DOCK10: variants seen among roughly 807,000 people sequenced by gnomAD.
DOCK10 encodes the protein dedicator of cytokinesis 10.
In DOCK10, 145 loss-of-function variants were observed where a neutral mutation model predicts 280.1. The ratio of observed to expected loss-of-function variants is 0.52; its 90% CI spans 0.45 to 0.59. The LOEUF is 0.59. Ranked by LOEUF, DOCK10 falls within the 20% of genes least tolerant of loss-of-function variation. DOCK10 has a pLI of 0.00. For missense variants in DOCK10, 2,368 were observed against 2,651.7 expected (o/e 0.89, Z 2.35); for synonymous variants, 915 against 942.2 (o/e 0.97, Z 0.53).
At chr2:224,917,101 C>CTTTTTTTTTTT (rs58223345) in intron 2 of DOCK10, among the ~76,000 whole-genome samples, 1,077 of 95,588 alleles carry the variant, frequency 0.011, 133 homozygotes, top group Non-Finnish European at 0.014. Context: ...CTATTGGAAT[C>CTTTTTTTTTTT]TTTTTTTTTT....
chr2:224,922,921 T>G (rs1701849367), intron 2 of DOCK10, among the ~76,000 whole-genome samples: 2 of 152,260 alleles, frequency 1.3e-5, no homozygotes, highest in South Asian at 4.2e-4. Flanking sequence ...TAACTAAAAC[T>G]TTGTGATTAA....
intron 7 of DOCK10, among the ~76,000 whole-genome samples, chr2:224,882,517 T>G (rs543288012): frequency 2.6e-5 from 4 of 152,188 alleles, no homozygotes; most frequent in Non-Finnish European, 5.9e-5. Flanking sequence ...TGAGCCACCC[T>G]TGTAATATAC....
intron 1 of DOCK10, among the ~76,000 whole-genome samples, chr2:224,975,920 C>T (rs1705410074): frequency 6.6e-6 from 1 of 152,182 alleles, no homozygotes; most frequent in African/African-American, 2.4e-5. Flanking sequence ...CTCTTGTTCA[C>T]TGTACCACCT....
chr2:224,881,209 T>C (rs1698955353), intron 7 of DOCK10, among the ~76,000 whole-genome samples: 1 of 152,220 alleles, frequency 6.6e-6, no homozygotes, highest in African/African-American at 2.4e-5. Context: ...TCAGGACTTA[T>C]TGCTTGAAGT....
At chr2:225,004,733 G>A (rs1322154762) in intron 1 of DOCK10, among the ~76,000 whole-genome samples, 1 of 152,260 alleles carries the variant, frequency 6.6e-6, no homozygotes, top group East Asian at 1.9e-4. Context: ...AACCAAGGAT[G>A]TGAAGAGTGT....
chr2:224,870,453 C>A (rs550071039), intron 11 of DOCK10, among the ~76,000 whole-genome samples: 1 of 152,164 alleles, frequency 6.6e-6, no homozygotes, highest in Non-Finnish European at 1.5e-5. Context: ...TCAGATTACT[C>A]CTAACACTTT....
In DOCK10 at chr2:224,786,214, G is replaced by A. The variant is rs542216117; in HGVS notation, c.5655+808C>T. Among the ~76,000 whole-genome samples, 19 of 152,298 alleles carry A rather than the reference G, an allele frequency of 1.2e-4. No individual in the cohort carries two copies. Among genetic ancestry groups the A allele is most frequent in the Admixed American group, 8.5e-4 (13 of 15,300 alleles). On this transcript the variant is annotated intron_variant, in intron 50 of 55. Coordinates refer to ENST00000258390, the MANE Select transcript of DOCK10 (RefSeq NM_014689.3). The surrounding 1 kb of genome is among the most constrained non-coding windows in gnomAD (Gnocchi z 4.7). ...TGAGCGAGATGATGGGCTGGGGGCA[G>A]AGGAAGTGTGAGGTCTGAGAGCCAC...
At chr2:224,791,302 TATC>T (rs1692177246) in intron 47 of DOCK10, among the ~76,000 whole-genome samples, 2 of 152,166 alleles carry the variant, frequency 1.3e-5, no homozygotes, top group African/African-American at 4.8e-5. Flanking sequence ...TGCATATAAA[TATC>T]AGGCTACATA....
intron 7 of DOCK10, 49 bp downstream of exon 7, chr2:224,885,622 C>T: frequency 6.7e-7 from 1 of 1,501,806 alleles, no homozygotes; most frequent in East Asian, 2.5e-5. Context: ...GTTAAATATA[C>T]TTTTCAAATA....
chr2:224,892,242 CA>C (rs1390682769), intron 4 of DOCK10, among the ~76,000 whole-genome samples: 2 of 150,756 alleles, frequency 1.3e-5, no homozygotes, highest in Admixed American at 6.6e-5. Flanking sequence ...ACTAAAAACA[CA>C]AAAAAATTAG....
intron 29 of DOCK10, among the ~76,000 whole-genome samples, chr2:224,818,897 A>G (rs762920947): frequency 1.2e-4 from 19 of 152,226 alleles, no homozygotes; most frequent in Non-Finnish European, 2.2e-4. Context: ...TGCCATAACC[A>G]TAGCTCAGTG....
chr2:224,821,977 A>G (rs1694537569), intron 28 of DOCK10, among the ~76,000 whole-genome samples: 1 of 152,202 alleles, frequency 6.6e-6, no homozygotes, highest in Non-Finnish European at 1.5e-5. Flanking sequence ...ACAGTGTATA[A>G]TTTGAAATAG....
intron 1 of DOCK10, among the ~76,000 whole-genome samples, chr2:225,006,654 G>T (rs1161209408): frequency 1.3e-5 from 2 of 152,162 alleles, no homozygotes; most frequent in South Asian, 4.1e-4. Flanking sequence ...TGAGTTATTT[G>T]AGTACATCTC....
chr2:224,845,061 A>G, intron 21 of DOCK10, 142 bp downstream of exon 21: 2 of 958,938 alleles, frequency 2.1e-6, no homozygotes, highest in South Asian at 3.4e-5. Context: ...TAAGCTAAAC[A>G]AGAGATGTGG....
At chr2:224,953,144 T>C (rs954750789) in intron 1 of DOCK10, among the ~76,000 whole-genome samples, 1 of 152,244 alleles carries the variant, frequency 6.6e-6, no homozygotes, top group African/African-American at 2.4e-5. Flanking sequence ...ATTGAGCAAT[T>C]GGTAAGGCAC....
In DOCK10 at chr2:224,856,892, C is replaced by T. The variant is rs761751163; in HGVS notation, c.1776G>A (p.Glu592=). Residue 592 remains glutamate, a synonymous_variant, in exon 15 of 56, where the codon GAG becomes GAA. Transcript: ENST00000258390. ...AATCTGATACTAGTTTAACTAGGTC[C>T]TCAGTTGAAATCTTGCTACTTTCTT... The part of the protein sequence containing the change: ...FRQESSKIST[E]DLVKLVSDYR... 5 of 1,611,748 alleles carry T rather than the reference C, an allele frequency of 3.1e-6. No individual in the cohort carries two copies. The highest frequency in any genetic ancestry group is 4.2e-6 in the Non-Finnish European group (5 of 1,178,534).
chr2:225,022,535 C>A (rs1478539880), intron 1 of DOCK10, among the ~76,000 whole-genome samples: 3 of 152,192 alleles, frequency 2.0e-5, no homozygotes, highest in Non-Finnish European at 4.4e-5. Flanking sequence ...CATTTTCACA[C>A]ACATGTAGAA....
chr2:224,975,956 T>G (rs1310106213), intron 1 of DOCK10, among the ~76,000 whole-genome samples: 4 of 152,114 alleles, frequency 2.6e-5, no homozygotes, highest in Non-Finnish European at 5.9e-5. Flanking sequence ...ACAAATACAG[T>G]GAAATCCTAA....
chr2:224,951,572 A>G (rs1290175415), intron 1 of DOCK10, among the ~76,000 whole-genome samples: 1 of 152,244 alleles, frequency 6.6e-6, no homozygotes, highest in East Asian at 1.9e-4. Context: ...TCAGAAACCT[A>G]AGAAAAAGTT....
Sources: allele counts gnomAD v4.1 joint callset (sites outside exome capture counted in the v4.1 genomes callset), GRCh38; gene constraint gnomAD v4.1.1; non-coding constraint Gnocchi (gnomAD v3.1); transcripts MANE v1.5; gene names NCBI Gene and HGNC (gene_info 2026-07-23, HGNC 2026-07-21).